YIF1B: variants seen among roughly 807,000 people sequenced by gnomAD.
The protein encoded by YIF1B is Yip1 interacting factor homolog B, membrane trafficking protein, also known as protein YIF1B.
Under a neutral mutation model 34.6 loss-of-function variants are expected in YIF1B, and 24 were observed. That is an observed-to-expected ratio of 0.69 (90% CI 0.50 to 0.98). The LOEUF is 0.98. Among genes scored for constraint, YIF1B ranks in the 50% least tolerant of loss-of-function variants. The pLI is 0.00. For missense variants in YIF1B, 368 were observed against 429.4 expected (o/e 0.86, Z 1.26); for synonymous variants, 186 against 184.8 (o/e 1.01, Z -0.05).
rs374128795 is a variant in YIF1B, at chr19:38,305,632, C to A, written c.790-125G>T. 81 of 1,331,970 alleles carry A rather than the reference C, an allele frequency of 6.1e-5. 1 individual carries two copies. In the African/African-American group the frequency reaches 1.1e-3, roughly 18 times the overall value. The allele number at this position is 1,331,970 out of a possible 1,614,324, so 82.5% of individuals were successfully genotyped here. ...CAGGCAGCTGGGGACAAGTCCCTGG[C>A]CCTCTGCAGCCTCAGGTTTCTGCTC... On this transcript the variant is annotated intron_variant, in intron 7 of 7. Coordinates refer to ENST00000339413, the MANE Select transcript of YIF1B (RefSeq NM_001039672.3).
At chr19:38,320,172 G>T, upstream of YIF1B, 1 of 1,599,296 alleles carries the variant, frequency 6.3e-7, no homozygotes, top group Non-Finnish European at 8.5e-7. Flanking sequence ...GGCTGGGGCG[G>T]GTCGTGCTTG....
rs1259872868 is a variant in YIF1B, at chr19:38,304,715, C to A, written c.*637G>T. ...AGGGGCTCTCGCCAGCGTCCCCAAG[C>A]ACGTGCCCTGCACCCCAGAGAGGCG... On this transcript the variant is annotated 3_prime_UTR_variant, in exon 8 of 8. Transcript: ENST00000339413. 6.2e-7 allele frequency: 1 copy of A among 1,613,546 alleles called. No individual in the cohort carries two copies. The highest frequency in any genetic ancestry group is 8.5e-7 in the Non-Finnish European group (1 of 1,179,890).
At position 38,309,232 on chromosome 19, in the gene YIF1B, G is replaced by C. The variant is rs769481374; in HGVS notation, c.394C>G (p.Leu132Val). The change falls in exon 3 of 8, where the codon CTA becomes GTA. Residue 132 changes from leucine to valine, a missense_variant. Around this residue, in one of 3 missense-constraint regions of YIF1B, gnomAD observed 208 missense variants for 247.8 expected, o/e 0.84. Coordinates refer to ENST00000339413, the MANE Select transcript of YIF1B (RefSeq NM_001039672.3). Reference protein sequence around the residue: ...RKLGLLFFPYLHQDWEVQYQQ... With the variant: ...RKLGLLFFPYVHQDWEVQYQQ... ...CCCCTGGGGGTGCTGACCTGGTGTA[G>C]GTAGGGGAAGAACAGCAGGCCCAGC... 2 of 1,614,008 alleles carry C rather than the reference G, an allele frequency of 1.2e-6. No individual in the cohort carries two copies. The highest frequency in any genetic ancestry group is 1.7e-6 in the Non-Finnish European group (2 of 1,179,948).
chr19:38,309,623 C>G lies in YIF1B; in HGVS notation c.79G>C (p.Val27Leu), dbSNP rs774063379. 4 of 1,600,150 alleles carry G rather than the reference C, an allele frequency of 2.5e-6. No individual in the cohort carries two copies. The African/African-American group carries it at 5.3e-5, about 21-fold the overall frequency. Residue 27 changes from valine to leucine, a missense_variant, in exon 2 of 8, where the codon GTG becomes CTG. By Grantham distance (32) the Val-to-Leu change is conservative (BLOSUM62 1). Around this residue, in one of 3 missense-constraint regions of YIF1B, gnomAD observed 153 missense variants for 156.7 expected, o/e 0.98. Transcript: ENST00000339413. ...RKWPSKRRIP[V>L]SQPGMADPHQ... The stretch of plus-strand genomic sequence containing the variant: ...GGGTCGGCCATGCCCGGCTGGGACA[C>G]AGGGATCCTCCGCTTCGAGGCTGCA...
At chr19:38,310,062 A>G (rs1199698516) in intron 1 of YIF1B, 2 of 216,026 alleles carry the variant, frequency 9.3e-6, no homozygotes, top group African/African-American at 4.7e-5. Flanking sequence ...CCATCCATTC[A>G]TCCATCCACC....
At chr19:38,318,193 CA>C (rs35748833), upstream of YIF1B, among the ~76,000 whole-genome samples, 2,838 of 29,700 alleles carry the variant, frequency 0.096, 9 homozygotes, top group Non-Finnish European at 0.1. Flanking sequence ...ACTCTTGTCT[CA>C]AAAAAAAAAA....
At chr19:38,320,417 C>T (rs1969637585), upstream of YIF1B, 2 of 866,830 alleles carry the variant, frequency 2.3e-6, no homozygotes, top group South Asian at 3.6e-5. Context: ...CAGTGAGGAC[C>T]CGGGACCCAG....
rs1968876678 is a variant in YIF1B at position 38,304,119 on chromosome 19, G to A, written c.*1233C>T. 4 of 1,009,314 alleles carry A rather than the reference G, an allele frequency of 4.0e-6. No homozygotes were observed. The highest frequency in any genetic ancestry group is 1.6e-5 in the South Asian group (1 of 64,176). 62.5% of individuals were successfully genotyped at this position (1,009,314 alleles called of 1,614,324 possible). ...AATCCTGGGTGGTGCCGGGCAATGA[G>A]TCAGGGCTGAGGACCAGGACAGAGG... On this transcript the variant is annotated 3_prime_UTR_variant, in exon 8 of 8. Transcript: ENST00000339413.
rs769902937 is a variant in YIF1B at position 38,309,695 on chromosome 19, G to C, written c.59-52C>G. On this transcript the variant is annotated intron_variant, in intron 1 of 7. Coordinates refer to ENST00000339413, the MANE Select transcript of YIF1B (RefSeq NM_001039672.3). Reference sequence around the variant, plus strand: ...CTGGGGACCCAGGATAGGTAAGGGAGACCTGGCGAACCTCATTCATCCCAC... The same window carrying C: ...CTGGGGACCCAGGATAGGTAAGGGACACCTGGCGAACCTCATTCATCCCAC... 7.1e-6 allele frequency: 11 copies of C among 1,553,640 alleles called. No individual in the cohort carries two copies. In the African/African-American group the frequency reaches 1.1e-4, roughly 15 times the overall value.
intron 5 of YIF1B, 122 bp from the exon 6 acceptor site, chr19:38,307,874 C>T (rs913525763): frequency 4.3e-5 from 55 of 1,273,764 alleles, no homozygotes; most frequent in African/African-American, 7.4e-5. Context: ...GATGGATGTG[C>T]GCGCTATCCT....
In YIF1B at chr19:38,306,712, C is replaced by T. The variant is rs377715490; in HGVS notation, c.789+716G>A. The stretch of plus-strand genomic sequence containing the variant: ...TTTATTTTTTTTTGAGACGGAGTCT[C>T]GCTCTGTCACCCAGGCTGGAGCGCA... On this transcript the variant is annotated intron_variant, in intron 7 of 7. Transcript: ENST00000339413. The T allele has an allele frequency of 1.9e-4, 45 of 233,354 alleles. No individual in the cohort carries two copies. In the East Asian group the frequency reaches 2.1e-3, roughly 11 times the overall value. 14.5% of individuals were successfully genotyped at this position (233,354 alleles called of 1,614,324 possible). A position where few individuals can be genotyped will look rare whatever the true frequency, so the allele number is the denominator to read the frequency against.
chr19:38,305,667 C>G (rs1968985244), intron 7 of YIF1B, among the ~76,000 whole-genome samples, 160 bp from the exon 8 acceptor site: 1 of 152,228 alleles, frequency 6.6e-6, no homozygotes, highest in Non-Finnish European at 1.5e-5. Flanking sequence ...CCCGGGGCCT[C>G]AGTTTCCCCA....
intron 1 of YIF1B, chr19:38,315,366 C>A (rs1969503320): frequency 8.9e-7 from 1 of 1,126,334 alleles, no homozygotes; most frequent in Non-Finnish European, 1.1e-6. Context: ...CAGGGCCTGA[C>A]ACATGGGAGT....
At chr19:38,320,604 G>A (rs1422117225), upstream of YIF1B, among the ~76,000 whole-genome samples, 2 of 151,734 alleles carry the variant, frequency 1.3e-5, no homozygotes, top group Non-Finnish European at 2.9e-5. Flanking sequence ...TGTCGCCCAG[G>A]CTGGAGTGCA....
At position 38,309,256 on chromosome 19, in the gene YIF1B, G is replaced by A; in HGVS notation, c.370C>T (p.Leu124=). 6.2e-7 allele frequency: 1 copy of A among 1,614,076 alleles called. No individual in the cohort carries two copies. Among genetic ancestry groups the A allele is most frequent in the South Asian group, 1.1e-5 (1 of 91,084 alleles). ...AGGTAGGGGAAGAACAGCAGGCCCA[G>A]CTTTCTGCCCACATACATGGTGTCC... ...AVDTMYVGRK[L]GLLFFPYLHQ... The change falls in exon 3 of 8, where the codon CTG becomes TTG. Residue 124 remains leucine (L), a synonymous_variant. Coordinates refer to ENST00000339413, the MANE Select transcript of YIF1B (RefSeq NM_001039672.3).
rs1969100093 is a variant in YIF1B, at chr19:38,307,428, C to G, written c.789G>C (p.Met263Ile). The G allele has an allele frequency of 6.2e-7, 1 of 1,613,592 alleles. No homozygotes were observed. Reference sequence around the variant, plus strand: ...CTCACCAGCCCCGAGCCCAGCTCACCATGAACACAAAGATGGCTACGCAGC... The same window carrying G: ...CTCACCAGCCCCGAGCCCAGCTCACGATGAACACAAAGATGGCTACGCAGC... ...GWCCVAIFVF[M>I]IRTLRLKILA... Residue 263 changes from methionine (M) to isoleucine (I), a missense_variant and splice_region_variant, in exon 7 of 8, where the codon ATG becomes ATC. Physicochemically the swap from Met to Ile is conservative, Grantham distance 10. Transcript: ENST00000339413.
upstream of YIF1B, among the ~76,000 whole-genome samples, chr19:38,317,625 G>A (rs570470312): frequency 6.6e-6 from 1 of 152,042 alleles, no homozygotes; most frequent in South Asian, 2.1e-4. Flanking sequence ...TGTCGCCCAG[G>A]CTGGAGTGCA....
Position 38,307,647 on chromosome 19 carries a change from G to A in YIF1B, c.645C>T (p.Thr215=), listed in dbSNP as rs113783063. 1.6e-4 allele frequency: 258 copies of A among 1,613,898 alleles called. No homozygotes were observed. The highest frequency in any genetic ancestry group is 4.1e-4 in the African/African-American group (31 of 75,022). ...LLSLYLVTVN[T]DLTTIDLVAF... is the part of the protein sequence containing the mutation. ...CCACCAGGTCGATGGTGGTGAGGTC[G>A]GTGTTGACAGTGACCAGATAGAGGC... The change falls in exon 6 of 8, where the codon ACC becomes ACT. Residue 215 remains threonine (T), a synonymous_variant. Transcript: ENST00000339413.
chr19:38,308,475 G>A (rs988958183), intron 5 of YIF1B, among the ~76,000 whole-genome samples: 1 of 152,136 alleles, frequency 6.6e-6, no homozygotes, highest in African/African-American at 2.4e-5. Context: ...GGCTGCTGCT[G>A]GAGTAGGGGT....
Sources: gnomAD v4.1 joint callset for allele counts (sites outside exome capture counted in the v4.1 genomes callset) on GRCh38, gnomAD v4.1.1 for gene constraint, gnomAD v4.1.1 regional missense constraint, MANE v1.5 for transcripts, NCBI Gene and HGNC (gene_info 2026-07-23, HGNC 2026-07-21) for gene names.